FAM135A: variants seen among roughly 807,000 people sequenced by gnomAD.
FAM135A encodes the protein protein FAM135A.
FAM135A carries 79 observed loss-of-function variants against 146.8 expected under a neutral mutation model. The observed-to-expected ratio is 0.54, with a 90% CI of 0.45 to 0.65. FAM135A has a LOEUF of 0.65. FAM135A is among the 30% of genes least tolerant of loss of function. FAM135A has a pLI of 0.00. For synonymous variants in FAM135A, 562 were observed against 603.6 expected, an observed-to-expected ratio of 0.93 and a Z score of 1.01; for missense variants, 1,623 against 1,758.2, an observed-to-expected ratio of 0.92 and a Z score of 1.38.
At chr6:70,516,143 C>T (rs1486240371) in intron 12 of FAM135A, among the ~76,000 whole-genome samples, 1 of 152,150 alleles carries the variant, frequency 6.6e-6, no homozygotes, top group Non-Finnish European at 1.5e-5. Flanking sequence ...GTTCTCCTCT[C>T]ATGGTCTCAG....
rs375592087 is a variant in FAM135A at position 70,490,855 on chromosome 6, GAATTT to G, written c.824-175_824-171del. ...AAAAAATGATATTTATCAGAATGTA[GAATTT>G]AATAATCACATTACCTATGTAATTA... On this transcript the variant is annotated intron_variant, in intron 10 of 21. Transcript: ENST00000418814. Among the ~76,000 whole-genome samples, 857 of 151,986 alleles carry G rather than the reference GAATTT, an allele frequency of 5.6e-3. 3 individuals are homozygous for G. Among genetic ancestry groups the G allele is most frequent in the Non-Finnish European group, 8.2e-3 (557 of 67,860 alleles).
At chr6:70,437,846 G>A (rs1773546111) in intron 4 of FAM135A, among the ~76,000 whole-genome samples, 1 of 152,112 alleles carries the variant, frequency 6.6e-6, no homozygotes, top group Admixed American at 6.5e-5. Flanking sequence ...GAAGAGATTA[G>A]TGAGTTGCTT....
At chr6:70,463,856 C>T (rs1779879574) in intron 5 of FAM135A, among the ~76,000 whole-genome samples, 1 of 152,206 alleles carries the variant, frequency 6.6e-6, no homozygotes, top group Non-Finnish European at 1.5e-5. Context: ...ATTTTGCTTT[C>T]CTCAGATTCA....
At chr6:70,558,897 A>G (rs1343970236) in intron 21 of FAM135A, among the ~76,000 whole-genome samples, 1 of 152,192 alleles carries the variant, frequency 6.6e-6, no homozygotes, top group East Asian at 1.9e-4. Context: ...ACAGAAGATC[A>G]TGTTACTTGA....
chr6:70,494,331 G>A (rs1003981697), intron 11 of FAM135A, among the ~76,000 whole-genome samples: 1 of 151,694 alleles, frequency 6.6e-6, no homozygotes, highest in African/African-American at 2.4e-5. Context: ...AATGTGATTT[G>A]AAAAAAACAC....
At chr6:70,452,772 G>A (rs1467198238) in intron 5 of FAM135A, among the ~76,000 whole-genome samples, 1 of 152,102 alleles carries the variant, frequency 6.6e-6, no homozygotes, top group East Asian at 1.9e-4. Context: ...CATACAATGA[G>A]CACATCAAAG....
At chr6:70,496,857 T>G (rs748394173) in intron 11 of FAM135A, among the ~76,000 whole-genome samples, 60 of 152,198 alleles carry the variant, frequency 3.9e-4, no homozygotes, top group Non-Finnish European at 5.9e-4. Flanking sequence ...TCTGTTCCAT[T>G]GGTCTATGTA....
At chr6:70,474,186 A>G (rs1339568528) in intron 5 of FAM135A, among the ~76,000 whole-genome samples, 2 of 152,136 alleles carry the variant, frequency 1.3e-5, no homozygotes, top group African/African-American at 4.8e-5. Context: ...CCACCAGCTT[A>G]TGTTGACATC....
In FAM135A at chr6:70,413,975, G is replaced by C. The variant is rs974079289; in HGVS notation, c.-220+273G>C. On this transcript the variant is annotated intron_variant, in intron 1 of 21. Coordinates refer to ENST00000418814, the MANE Select transcript of FAM135A (RefSeq NM_001162529.3). ...CGCGGCCGCCCCTGCCCCTGCGCGC[G>C]TCCCTCGACCCGTTCTTCCTGAACC... The C allele has an allele frequency of 3.0e-6, 3 of 985,556 alleles. No homozygotes were observed. The African/African-American group carries it at 5.2e-5, about 17-fold the overall frequency. 61.1% of individuals were successfully genotyped at this position (985,556 alleles called of 1,614,324 possible). A position where few individuals can be genotyped will look rare whatever the true frequency, so the allele number is the denominator to read the frequency against.
chr6:70,459,079 C>T (rs1157873162), intron 5 of FAM135A, among the ~76,000 whole-genome samples: 2 of 151,878 alleles, frequency 1.3e-5, no homozygotes, highest in African/African-American at 2.4e-5. Flanking sequence ...TTCTTTTATC[C>T]TTTGTGTTAA....
chr6:70,434,331 T>A (rs1363834737), intron 4 of FAM135A, among the ~76,000 whole-genome samples: 1 of 152,188 alleles, frequency 6.6e-6, no homozygotes, highest in Non-Finnish European at 1.5e-5. Context: ...TGGGGGAAAT[T>A]TTTCTTTGTT....
intron 12 of FAM135A, among the ~76,000 whole-genome samples, chr6:70,511,950 T>C (rs1011284458): frequency 5.3e-5 from 8 of 151,938 alleles, no homozygotes; most frequent in Non-Finnish European, 1.2e-4. Flanking sequence ...ATTGTAATTT[T>C]AGGGGAGACC....
At chr6:70,434,564 G>T (rs945088056) in intron 4 of FAM135A, among the ~76,000 whole-genome samples, 1 of 152,178 alleles carries the variant, frequency 6.6e-6, no homozygotes, top group Non-Finnish European at 1.5e-5. Flanking sequence ...TTTTACTGCA[G>T]ATTGGTAACA....
chr6:70,486,094 G>A, intron 10 of FAM135A: 4 of 1,318,602 alleles, frequency 3.0e-6, no homozygotes, highest in Non-Finnish European at 3.2e-6. Flanking sequence ...TTATTAACAA[G>A]TTGGAAAATT....
intron 2 of FAM135A, among the ~76,000 whole-genome samples, chr6:70,417,935 A>C (rs1226724398): frequency 6.6e-6 from 1 of 152,188 alleles, no homozygotes; most frequent in African/African-American, 2.4e-5. Flanking sequence ...AGTTTGTCTT[A>C]TATTCTAAAA....
chr6:70,532,166 G>A (rs1795954919), intron 16 of FAM135A, among the ~76,000 whole-genome samples: 1 of 151,978 alleles, frequency 6.6e-6, no homozygotes, highest in South Asian at 2.1e-4. Context: ...GTGAGCCACC[G>A]TGCCCGGCCT....
chr6:70,480,967 G>A lies in FAM135A; in HGVS notation c.609G>A (p.Val203=). The A allele has an allele frequency of 1.2e-6, 2 of 1,612,564 alleles. No homozygotes were observed. The highest frequency in any genetic ancestry group is 1.7e-6 in the Non-Finnish European group (2 of 1,179,242). The change falls in exon 9 of 22, where the codon GTG becomes GTA. Residue 203 remains valine, a synonymous_variant. Coordinates refer to ENST00000418814, the MANE Select transcript of FAM135A (RefSeq NM_001162529.3). ...RNAPAQNKDS[V]IPTLESVVFG... ...CACCAGCACAAAACAAAGATTCCGTGATTCCTACTCTTGAAAGTGTGGTCT... is the reference window on the plus strand; with the variant it reads ...CACCAGCACAAAACAAAGATTCCGTAATTCCTACTCTTGAAAGTGTGGTCT...
intron 11 of FAM135A, among the ~76,000 whole-genome samples, 188 bp downstream of exon 11, chr6:70,491,271 A>C (rs55778329): frequency 0.13 from 19,127 of 151,944 alleles, 1,477 homozygotes; most frequent in Middle Eastern, 0.19. Flanking sequence ...AAGTTAACTT[A>C]CCTTTTAAAA....
At chr6:70,474,445 T>G (rs910324904) in intron 5 of FAM135A, among the ~76,000 whole-genome samples, 2 of 152,180 alleles carry the variant, frequency 1.3e-5, no homozygotes, top group Non-Finnish European at 2.9e-5. Context: ...GCCATGAGTT[T>G]AGTGGTCTGC....
Sources: gnomAD v4.1 joint callset for allele counts (sites outside exome capture counted in the v4.1 genomes callset) on GRCh38, gnomAD v4.1.1 for gene constraint, MANE v1.5 for transcripts, NCBI Gene and HGNC (gene_info 2026-07-23, HGNC 2026-07-21) for gene names.